Variants in CACNB2 observed in about 807,000 individuals in gnomAD.
The protein encoded by CACNB2 is calcium voltage-gated channel auxiliary subunit beta 2.
Under a neutral mutation model 73.3 loss-of-function variants are expected in CACNB2, and 42 were observed. The observed-to-expected ratio is 0.57, with a 90% CI of 0.45 to 0.74. CACNB2 has a LOEUF of 0.74. CACNB2 is among the 30% of genes least tolerant of loss of function. CACNB2 has a pLI of 0.00. For synonymous variants in CACNB2, 348 were observed against 310.3 expected (o/e 1.12, Z -1.28); for missense variants, 940 against 853.0 (o/e 1.10, Z -1.27).
chr10:18,368,770 A>G (rs1353069785), intron 2 of CACNB2, among the ~76,000 whole-genome samples: 2 of 152,174 alleles, frequency 1.3e-5, no homozygotes, highest in East Asian at 3.9e-4. Context: ...TATGCACAAA[A>G]GCCAGTTTTT....
chr10:18,456,058 C>T (rs1414610557), intron 3 of CACNB2, among the ~76,000 whole-genome samples: 1 of 152,124 alleles, frequency 6.6e-6, no homozygotes, highest in Non-Finnish European at 1.5e-5. Flanking sequence ...TTTCCATTTC[C>T]CACTGAACCA....
intron 2 of CACNB2, among the ~76,000 whole-genome samples, chr10:18,220,212 TATATATATATATATATATATA>T (rs2035703159): frequency 2.3e-5 from 1 of 42,678 alleles, no homozygotes; most frequent in Non-Finnish European, 3.6e-5. Context: ...TATATATATA[TATATATATATATATATATATA>T]GAGAGAGAGA....
chr10:18,306,918 G>A (rs2039750869), intron 2 of CACNB2, among the ~76,000 whole-genome samples: 1 of 152,114 alleles, frequency 6.6e-6, no homozygotes, highest in Non-Finnish European at 1.5e-5. Context: ...TGAGAAAAGT[G>A]TCTAGATTTG....
chr10:18,402,337 A>C (rs2044044617), intron 3 of CACNB2, among the ~76,000 whole-genome samples: 1 of 151,294 alleles, frequency 6.6e-6, no homozygotes, highest in Admixed American at 6.6e-5. Context: ...GAAAAACTGC[A>C]CCTAATATCA....
At chr10:18,294,977 TG>T (rs1399758318) in intron 2 of CACNB2, among the ~76,000 whole-genome samples, 2 of 152,246 alleles carry the variant, frequency 1.3e-5, no homozygotes, top group African/African-American at 4.8e-5. Context: ...GGCAGAGCAC[TG>T]CAGACGCCCA....
intron 2 of CACNB2, among the ~76,000 whole-genome samples, chr10:18,372,622 G>A (rs1352699287): frequency 2.6e-5 from 4 of 152,136 alleles, no homozygotes; most frequent in Non-Finnish European, 5.9e-5. Context: ...GACCAGGCTG[G>A]CCTTGAACTT....
chr10:18,192,578 C>A (rs374034577), intron 2 of CACNB2, among the ~76,000 whole-genome samples: 1 of 152,240 alleles, frequency 6.6e-6, no homozygotes, highest in Non-Finnish European at 1.5e-5. Context: ...CTCTCTCTTT[C>A]TAGTTCCAAC....
chr10:18,537,738 C>T (rs984749398), intron 12 of CACNB2, among the ~76,000 whole-genome samples: 10 of 144,604 alleles, frequency 6.9e-5, no homozygotes, highest in African/African-American at 2.2e-4. Flanking sequence ...GATCAGGCCA[C>T]TGCACTCCAG....
At position 18,383,045 on chromosome 10, in the gene CACNB2, G is replaced by A. The variant is rs116621876; in HGVS notation, c.214-18879G>A. Reference sequence around the variant, plus strand: ...TCACTCATGATGGCATTTCCCACTGGTAGGAAATATGCATGTTATATTATA... The same window carrying A: ...TCACTCATGATGGCATTTCCCACTGATAGGAAATATGCATGTTATATTATA... On this transcript the variant is annotated intron_variant, in intron 2 of 13. Coordinates refer to ENST00000324631, the MANE Select transcript of CACNB2 (RefSeq NM_201596.3). Among the ~76,000 whole-genome samples, 444 of 152,212 alleles carry A rather than the reference G, an allele frequency of 2.9e-3. 1 individual carries two copies. The highest frequency in any genetic ancestry group is 0.01 in the African/African-American group (435 of 41,544).
intron 2 of CACNB2, among the ~76,000 whole-genome samples, chr10:18,159,180 T>C (rs10740996): frequency 0.48 from 73,567 of 151,966 alleles, 18,223 homozygotes; most frequent in East Asian, 0.59. Context: ...CAGCTTTGCT[T>C]TATTTTTATG....
chr10:18,531,469 A>G (rs938657163), intron 10 of CACNB2, among the ~76,000 whole-genome samples: 12 of 152,150 alleles, frequency 7.9e-5, no homozygotes, highest in African/African-American at 2.9e-4. Flanking sequence ...GCTGCAGTGA[A>G]CATATACATG....
chr10:18,329,638 C>G (rs1021064222), intron 2 of CACNB2, among the ~76,000 whole-genome samples: 17 of 151,890 alleles, frequency 1.1e-4, no homozygotes, highest in African/African-American at 4.1e-4. Context: ...TTGGATTAAT[C>G]TCACTACTTC....
intron 2 of CACNB2, among the ~76,000 whole-genome samples, chr10:18,179,865 T>G (rs1293883022): frequency 1.3e-5 from 2 of 152,226 alleles, no homozygotes; most frequent in Admixed American, 6.5e-5. Context: ...TTTCCCTTAC[T>G]AGCAGAATTC....
chr10:18,379,584 C>T (rs1450425564), intron 2 of CACNB2, among the ~76,000 whole-genome samples: 1 of 152,160 alleles, frequency 6.6e-6, no homozygotes, highest in African/African-American at 2.4e-5. Context: ...ACCATCACCA[C>T]TACCCATTTC....
intron 2 of CACNB2, among the ~76,000 whole-genome samples, chr10:18,363,216 G>A (rs747073189): frequency 2.0e-5 from 3 of 152,286 alleles, no homozygotes; most frequent in Non-Finnish European, 4.4e-5. Flanking sequence ...AATCTGGGAT[G>A]GCTCATTATT....
intron 3 of CACNB2, among the ~76,000 whole-genome samples, chr10:18,407,107 G>GTTTTTTTTTTTTTT (rs1293331753): frequency 2.0e-5 from 1 of 49,564 alleles, no homozygotes; most frequent in African/African-American, 7.3e-5. Flanking sequence ...CTGCTGTTCT[G>GTTTTTTTTTTTTTT]TCTTTTTTTT....
At chr10:18,519,816 T>A in intron 9 of CACNB2, 1 of 447,666 alleles carries the variant, frequency 2.2e-6, no homozygotes, top group South Asian at 1.6e-5. Context: ...AAACTAGTCA[T>A]GTCAAGATCA....
intron 3 of CACNB2, among the ~76,000 whole-genome samples, chr10:18,483,196 G>A (rs2048877610): frequency 6.6e-6 from 1 of 151,820 alleles, no homozygotes; most frequent in African/African-American, 2.4e-5. Context: ...TTTGGTTTGG[G>A]TCATGGGGAC....
chr10:18,353,899 A>G (rs970817899), intron 2 of CACNB2, among the ~76,000 whole-genome samples: 4 of 152,230 alleles, frequency 2.6e-5, no homozygotes, highest in Non-Finnish European at 5.9e-5. Flanking sequence ...TTTTCTTTCT[A>G]GTATAAACAA....
Sources: allele counts gnomAD v4.1 joint callset (sites outside exome capture counted in the v4.1 genomes callset), GRCh38; gene constraint gnomAD v4.1.1; transcripts MANE v1.5; gene names NCBI Gene and HGNC (gene_info 2026-07-23, HGNC 2026-07-21).